RBFOX1: variants seen among roughly 807,000 people sequenced by gnomAD.
RBFOX1 encodes RNA binding fox-1 homolog 1, also known as RNA binding protein fox-1 homolog 1.
RBFOX1 carries 8 observed loss-of-function variants against 57.7 expected under a neutral mutation model. That is an observed-to-expected ratio of 0.14 (90% CI 0.08 to 0.25). The LOEUF is 0.25. Ranked by LOEUF, RBFOX1 falls within the 10% of genes least tolerant of loss-of-function variation. The pLI is 1.00. For synonymous variants in RBFOX1, 326 were observed against 222.4 expected (o/e 1.47, Z -4.15); for missense variants, 611 against 548.5 (o/e 1.11, Z -1.14).
At chr16:7,047,833 T>G (rs1270388322) in intron 3 of RBFOX1, among the ~76,000 whole-genome samples, 1 of 151,518 alleles carries the variant, frequency 6.6e-6, no homozygotes, top group Admixed American at 6.6e-5. Context: ...TTGTCTTCAT[T>G]CTGTGTTTGG....
Position 7,007,189 on chromosome 16 carries a change from C to T in RBFOX1, c.-15-44868C>T, listed in dbSNP as rs568671374. Among the ~76,000 whole-genome samples, 9 of 152,312 alleles carry T rather than the reference C, an allele frequency of 5.9e-5. No individual in the cohort carries two copies. The East Asian group carries it at 1.7e-3, about 29-fold the overall frequency. On this transcript the variant is annotated intron_variant, in intron 3 of 15. Transcript: ENST00000550418. ...AATTTATTTCCTTGCAGCTGTAAAG[C>T]TGAAGTCTCCATTTCTTTACTGGCT...
chr16:5,828,199 T>C (rs2056142160), intron 3 of RBFOX1, among the ~76,000 whole-genome samples: 2 of 151,260 alleles, frequency 1.3e-5, no homozygotes, highest in Admixed American at 1.3e-4. Context: ...ATCTGTCCGC[T>C]CATCCATCCA....
At chr16:6,895,533 C>T (rs921015371) in intron 3 of RBFOX1, among the ~76,000 whole-genome samples, 6 of 145,770 alleles carry the variant, frequency 4.1e-5, no homozygotes, top group East Asian at 4.1e-4. Flanking sequence ...CTCATGACCT[C>T]TACAAGGCAG....
At chr16:7,375,679 GTTGTTTTAGTAAAGT>G (rs1432690705) in intron 4 of RBFOX1, among the ~76,000 whole-genome samples, 1 of 151,982 alleles carries the variant, frequency 6.6e-6, no homozygotes, top group Admixed American at 6.6e-5. Context: ...TGTATTCCTT[GTTGTTTTAGTAAAGT>G]TTGTCCTGAG....
rs896806692 is a variant in RBFOX1 at position 7,302,019 on chromosome 16, C to G, written c.28-216128C>G. 2.0e-5 allele frequency among the ~76,000 whole-genome samples: 3 copies of G among 152,280 alleles called. No homozygotes were observed. The East Asian group carries it at 5.8e-4, about 29-fold the overall frequency. ...TGAATGTGACCTCTGATGCAACGTA[C>G]AGCAAACGTTTTTCAAACTAACCAC... On this transcript the variant is annotated intron_variant, in intron 4 of 15. Transcript: ENST00000550418.
At chr16:6,805,186 C>G (rs933843291) in intron 3 of RBFOX1, among the ~76,000 whole-genome samples, 1 of 152,138 alleles carries the variant, frequency 6.6e-6, no homozygotes, top group Non-Finnish European at 1.5e-5. Flanking sequence ...TGTGGTACAT[C>G]TACACCATGG....
chr16:6,695,714 C>T (rs531448830), intron 3 of RBFOX1, among the ~76,000 whole-genome samples: 1 of 152,170 alleles, frequency 6.6e-6, no homozygotes, highest in African/African-American at 2.4e-5. Flanking sequence ...ATGACTGTCA[C>T]TTATTTTGGA....
intron 3 of RBFOX1, among the ~76,000 whole-genome samples, chr16:5,852,255 C>A (rs1398314953): frequency 6.6e-6 from 1 of 152,180 alleles, no homozygotes; most frequent in Non-Finnish European, 1.5e-5. Context: ...CAAATGCCCT[C>A]CCTCCCTGCC....
chr16:6,638,487 A>T (rs1286198085), intron 2 of RBFOX1, among the ~76,000 whole-genome samples: 1 of 152,188 alleles, frequency 6.6e-6, no homozygotes, highest in South Asian at 2.1e-4. Flanking sequence ...CATTTATTAT[A>T]ATAAAATATG....
Position 5,646,671 on chromosome 16 carries a change from G to C in RBFOX1, c.318+47710G>C, listed in dbSNP as rs1327133551. 3.3e-5 allele frequency among the ~76,000 whole-genome samples: 5 copies of C among 152,170 alleles called. No individual in the cohort carries two copies. In the East Asian group the frequency reaches 7.8e-4, roughly 24 times the overall value. ...TTTTTTTGAGATGGAGTCTCGCTTTGTCACCCAGGCTGGAGTGCTTTGGCG... is the reference window on the plus strand; with the variant it reads ...TTTTTTTGAGATGGAGTCTCGCTTTCTCACCCAGGCTGGAGTGCTTTGGCG... On this transcript the variant is annotated intron_variant, in intron 3 of 19. Coordinates refer to the RBFOX1 transcript ENST00000641259.
chr16:6,360,719 C>T (rs371647729), intron 2 of RBFOX1, among the ~76,000 whole-genome samples: 8 of 152,104 alleles, frequency 5.3e-5, no homozygotes, highest in South Asian at 2.1e-4. Context: ...TTATGTTTTG[C>T]GAATGTATGC....
At chr16:7,695,899 G>C (rs2078660767) in intron 14 of RBFOX1, among the ~76,000 whole-genome samples, 1 of 152,108 alleles carries the variant, frequency 6.6e-6, no homozygotes, top group African/African-American at 2.4e-5. Flanking sequence ...CTTATAAAGA[G>C]GTGCTATTGT....
chr16:7,491,680 G>C (rs72773036), intron 4 of RBFOX1, among the ~76,000 whole-genome samples: 17,694 of 151,958 alleles, frequency 0.12, 1,089 homozygotes, highest in Non-Finnish European at 0.15. Context: ...ACCCAGGCTG[G>C]AGTGCAAGTA....
intron 1 of RBFOX1, among the ~76,000 whole-genome samples, chr16:5,250,005 G>A (rs548125890): frequency 1.3e-5 from 2 of 151,756 alleles, no homozygotes; most frequent in African/African-American, 4.8e-5. Flanking sequence ...AGGTTGCAGT[G>A]AGGAGGAGGT....
At chr16:6,571,054 G>A (rs578047846) in intron 2 of RBFOX1, among the ~76,000 whole-genome samples, 20 of 152,254 alleles carry the variant, frequency 1.3e-4, no homozygotes, top group African/African-American at 4.8e-4. Flanking sequence ...CAGGCATTGT[G>A]GATTGGCCTT....
intron 3 of RBFOX1, among the ~76,000 whole-genome samples, chr16:6,824,145 C>T (rs1238171613): frequency 6.6e-6 from 1 of 152,212 alleles, no homozygotes. Flanking sequence ...TTGCTGGCGC[C>T]TGTAATCCCA....
At chr16:6,120,567 G>A (rs2096541688) in intron 1 of RBFOX1, among the ~76,000 whole-genome samples, 1 of 152,072 alleles carries the variant, frequency 6.6e-6, no homozygotes, top group South Asian at 2.1e-4. Flanking sequence ...AGGTACACTG[G>A]TAATACCTAC....
chr16:7,056,724 G>C (rs1406600018), intron 4 of RBFOX1, among the ~76,000 whole-genome samples: 3 of 152,152 alleles, frequency 2.0e-5, no homozygotes, highest in Non-Finnish European at 4.4e-5. Context: ...TTGTGCTTGA[G>C]TGGTAGATGT....
chr16:5,337,486 A>C (rs1024861376), intron 1 of RBFOX1, among the ~76,000 whole-genome samples: 4 of 152,232 alleles, frequency 2.6e-5, no homozygotes, highest in Non-Finnish European at 5.9e-5. Context: ...GAAACTGGAA[A>C]TTGTCCCTTC....
Sources: allele counts gnomAD v4.1 joint callset (sites outside exome capture counted in the v4.1 genomes callset), GRCh38; gene constraint gnomAD v4.1.1; transcripts MANE v1.5; gene names NCBI Gene and HGNC (gene_info 2026-07-23, HGNC 2026-07-21).